The following TMEM33 variants were observed in gnomAD, a reference collection of about 807,000 sequenced individuals.
The protein encoded by TMEM33 is transmembrane protein 33.
Under a neutral mutation model 29.7 loss-of-function variants are expected in TMEM33, and 16 were observed. The ratio of observed to expected loss-of-function variants is 0.54; its 90% CI spans 0.36 to 0.82. The LOEUF (loss-of-function observed/expected upper bound fraction) is 0.82. Ranked by LOEUF, TMEM33 falls within the 40% of genes least tolerant of loss-of-function variation. The pLI is 0.00. For synonymous variants in TMEM33, 112 were observed against 109.4 expected, an observed-to-expected ratio of 1.02 and a Z score of -0.15; for missense variants, 252 against 295.3, an observed-to-expected ratio of 0.85 and a Z score of 1.08.
intron 6 of TMEM33, among the ~76,000 whole-genome samples, chr4:41,953,069 G>A (rs892340760): frequency 2.0e-5 from 3 of 152,176 alleles, no homozygotes; most frequent in South Asian, 2.1e-4. Context: ...TGAGGTTTTA[G>A]AGATAGCCAT....
chr4:41,950,003 AAGGT>A (rs1712967854), intron 6 of TMEM33, among the ~76,000 whole-genome samples: 1 of 152,168 alleles, frequency 6.6e-6, no homozygotes, highest in Admixed American at 6.6e-5. Flanking sequence ...TAAGATTAGA[AAGGT>A]ATATTGGAGC....
At chr4:41,945,119 G>A (rs6826818) in intron 5 of TMEM33, among the ~76,000 whole-genome samples, 193 bp downstream of exon 5, 6,663 of 152,144 alleles carry the variant, frequency 0.044, 445 homozygotes, top group African/African-American at 0.15. Context: ...CTAGGAATTT[G>A]TCTTATTCCT....
At chr4:41,941,257 G>T (rs1384796533) in intron 3 of TMEM33, among the ~76,000 whole-genome samples, 4 of 152,198 alleles carry the variant, frequency 2.6e-5, no homozygotes, top group African/African-American at 9.6e-5. Flanking sequence ...AACTGTAAAT[G>T]ATAATCACAT....
At chr4:41,940,982 T>G (rs1712517262) in intron 3 of TMEM33, among the ~76,000 whole-genome samples, 1 of 152,190 alleles carries the variant, frequency 6.6e-6, no homozygotes, top group Non-Finnish European at 1.5e-5. Flanking sequence ...TTAAAAGCTC[T>G]ACCTTATCTA....
chr4:41,939,106 T>G, intron 2 of TMEM33, 90 bp from the exon 3 acceptor site: 1 of 1,272,538 alleles, frequency 7.9e-7, no homozygotes, highest in Non-Finnish European at 1.1e-6. Flanking sequence ...GTGATTTAGG[T>G]GTTGTGCAAT....
Position 41,938,595 on chromosome 4 carries a change from A to G in TMEM33, c.46-7A>G. 6.2e-7 allele frequency: 1 copy of G among 1,613,418 alleles called. No individual in the cohort carries two copies. Among genetic ancestry groups the G allele is most frequent in the Non-Finnish European group, 8.5e-7 (1 of 1,179,820 alleles). ...ATAGCTTACAGTATTTTTCTTTTTA[A>G]ATTTAGCAATTCATGATGACCAATA... is the stretch of plus-strand genomic sequence containing the variant. On this transcript the variant is annotated splice_polypyrimidine_tract_variant and splice_region_variant and intron_variant, in intron 1 of 6. Transcript: ENST00000504986.
At position 41,943,889 on chromosome 4, in the gene TMEM33, G is replaced by C. The variant is rs1205022733; in HGVS notation, c.396+75G>C. 13 of 1,429,486 alleles carry C rather than the reference G, an allele frequency of 9.1e-6. No homozygotes were observed. In the South Asian group the frequency reaches 1.1e-4, roughly 12 times the overall value. The allele number at this position is 1,429,486 out of a possible 1,614,324, so 88.6% of individuals were successfully genotyped here. ...TGAATTTGAGTTCTAAGACATTTTG[G>C]TATTTGTCACAAAAAGTCCCTCTAT... On this transcript the variant is annotated intron_variant, in intron 4 of 6. Coordinates refer to ENST00000504986, the MANE Select transcript of TMEM33 (RefSeq NM_018126.3).
intron 5 of TMEM33, among the ~76,000 whole-genome samples, chr4:41,948,624 A>G (rs1420339534): frequency 1.3e-5 from 2 of 152,158 alleles, no homozygotes; most frequent in Non-Finnish European, 2.9e-5. Context: ...TGTAATTTTC[A>G]TAACCAAGAT....
Position 41,958,482 on chromosome 4 carries a change from C to G in TMEM33, c.*4283C>G, listed in dbSNP as rs1185900548. On this transcript the variant is annotated 3_prime_UTR_variant, in exon 7 of 7. Coordinates refer to ENST00000504986, the MANE Select transcript of TMEM33 (RefSeq NM_018126.3). ...CCGAAACACACTAATATAAAATTAT[C>G]CTTTCTCCTTCATTTTCAGATGTGT... The G allele has an allele frequency of 6.6e-6, 1 of 151,930 alleles. No individual in the cohort carries two copies. Among genetic ancestry groups the G allele is most frequent in the Admixed American group, 6.6e-5 (1 of 15,260 alleles). The allele number at this position is 151,930 out of a possible 1,614,324, so 9.4% of individuals were successfully genotyped here. A position where few individuals can be genotyped will look rare whatever the true frequency, so the allele number is the denominator to read the frequency against.
intron 1 of TMEM33, among the ~76,000 whole-genome samples, 187 bp downstream of exon 1, chr4:41,935,716 G>T (rs977575586): frequency 3.9e-5 from 6 of 152,208 alleles, no homozygotes; most frequent in African/African-American, 1.4e-4. Context: ...CTACAAGTTT[G>T]TTTCTGAAGC....
At chr4:41,937,905 A>G (rs1712321043) in intron 1 of TMEM33, among the ~76,000 whole-genome samples, 2 of 152,204 alleles carry the variant, frequency 1.3e-5, no homozygotes, top group Admixed American at 1.3e-4. Context: ...GACCACCGAA[A>G]CTAGGGTAAG....
intron 3 of TMEM33, among the ~76,000 whole-genome samples, chr4:41,942,298 G>A (rs1347267658): frequency 6.6e-6 from 1 of 152,108 alleles, no homozygotes; most frequent in Non-Finnish European, 1.5e-5. Flanking sequence ...TCTCTACTTA[G>A]GAAATGGACA....
chr4:41,949,924 A>G (rs939656240), intron 6 of TMEM33, among the ~76,000 whole-genome samples: 2 of 152,176 alleles, frequency 1.3e-5, no homozygotes, highest in South Asian at 2.1e-4. Flanking sequence ...AGCACAAGCC[A>G]TATTTGAGGA....
At chr4:41,935,760 C>T (rs1194277541) in intron 1 of TMEM33, among the ~76,000 whole-genome samples, 1 of 152,194 alleles carries the variant, frequency 6.6e-6, no homozygotes, top group Non-Finnish European at 1.5e-5. Flanking sequence ...GTGGCCCCCA[C>T]CTGTATGCCA....
Position 41,935,490 on chromosome 4 carries a change from A to C in TMEM33, c.6A>C (p.Ala2=). 1 of 1,609,798 alleles carries C rather than the reference A, an allele frequency of 6.2e-7. No homozygotes were observed. The highest frequency in any genetic ancestry group is 1.1e-5 in the South Asian group (1 of 90,108). The change falls in exon 1 of 7, where the codon GCA becomes GCC. Residue 2 remains alanine, a synonymous_variant. Coordinates refer to ENST00000504986, the MANE Select transcript of TMEM33 (RefSeq NM_018126.3). ...AGACGCTAGTGTGAGCCCCCATGGC[A>C]GATACGACCCCGAACGGCCCCCAAG... The part of the protein sequence containing the change: M[A]DTTPNGPQGA...
chr4:41,943,291 G>A (rs1340221198), intron 3 of TMEM33, among the ~76,000 whole-genome samples: 5 of 152,246 alleles, frequency 3.3e-5, no homozygotes, highest in South Asian at 2.1e-4. Context: ...TTGGGAGGCC[G>A]AGGTGGGCAT....
intron 5 of TMEM33, among the ~76,000 whole-genome samples, chr4:41,945,621 A>G (rs1309697921): frequency 6.6e-6 from 1 of 152,154 alleles, no homozygotes; most frequent in African/African-American, 2.4e-5. Flanking sequence ...TAGAACATAT[A>G]TATTATGGAT....
intron 2 of TMEM33, among the ~76,000 whole-genome samples, 162 bp downstream of exon 2, chr4:41,938,858 G>T (rs1712378451): frequency 6.6e-6 from 1 of 152,106 alleles, no homozygotes; most frequent in African/African-American, 2.4e-5. Context: ...ATTATCAGAG[G>T]AATATTTTAT....
intron 5 of TMEM33, among the ~76,000 whole-genome samples, chr4:41,945,443 T>G (rs1353909746): frequency 6.6e-6 from 1 of 152,204 alleles, no homozygotes; most frequent in Admixed American, 6.5e-5. Flanking sequence ...ACCCAGATGA[T>G]TGCTTTATCA....
Sources: gnomAD v4.1 joint callset for allele counts (sites outside exome capture counted in the v4.1 genomes callset) on GRCh38, gnomAD v4.1.1 for gene constraint, MANE v1.5 for transcripts, NCBI Gene and HGNC (gene_info 2026-07-23, HGNC 2026-07-21) for gene names.